Variants in TERC observed in about 807,000 individuals in gnomAD.
TERC encodes the protein telomerase RNA component, also known as small Cajal body-specific RNA 19.
In TERC at chr3:169,764,646, G is replaced by A. The variant is rs762726864; in HGVS notation, n.415C>T. ...CCGAGTCCTGGGTGCACGTCCCACA[G>A]CTCAGGGAATCGCGCCGCGCGCGGG... is the stretch of plus-strand genomic sequence containing the variant. On this transcript the variant is annotated non_coding_transcript_exon_variant, in exon 1 of 1. Transcript: ENST00000602385. The surrounding 1 kb of genome is among the most constrained non-coding windows in gnomAD (Gnocchi z 4.3). The A allele has an allele frequency of 6.7e-6, 5 of 744,304 alleles. No homozygotes were observed. Among genetic ancestry groups the A allele is most frequent in the Non-Finnish European group, 9.9e-6 (4 of 405,826 alleles). The allele number at this position is 744,304 out of a possible 1,614,324, so 46.1% of individuals were successfully genotyped here.
rs773966596 is a variant in TERC at position 169,764,900 on chromosome 3, A to G, written n.161T>C. The G allele has an allele frequency of 1.3e-6, 1 of 764,970 alleles. No individual in the cohort carries two copies. The highest frequency in any genetic ancestry group is 2.4e-6 in the Non-Finnish European group (1 of 417,746). The allele number at this position is 764,970 out of a possible 1,614,324, so 47.4% of individuals were successfully genotyped here. A position where few individuals can be genotyped will look rare whatever the true frequency, so the allele number is the denominator to read the frequency against. On this transcript the variant is annotated non_coding_transcript_exon_variant, in exon 1 of 1. Transcript: ENST00000602385. This position sits in a 1 kb window ranked among gnomAD's most constrained non-coding sequence, Gnocchi z 4.3. ...GCAGCTGACATTTTTTGTTTGCTCT[A>G]GAATGAACGGTGGAAGGCGGCAGGC... is the stretch of plus-strand genomic sequence containing the variant.
In TERC at chr3:169,764,986, G is replaced by C. The variant is rs771988301; in HGVS notation, n.75C>G. The C allele has an allele frequency of 1.3e-6, 1 of 765,494 alleles. No individual in the cohort carries two copies. Among genetic ancestry groups the C allele is most frequent in the Non-Finnish European group, 2.4e-6 (1 of 418,020 alleles). The allele number at this position is 765,494 out of a possible 1,614,324, so 47.4% of individuals were successfully genotyped here. On this transcript the variant is annotated non_coding_transcript_exon_variant, in exon 1 of 1. Coordinates refer to ENST00000602385, the Ensembl canonical transcript of TERC. This position sits in a 1 kb window ranked among gnomAD's most constrained non-coding sequence, Gnocchi z 4.3. ...AACAGCGCGCGGGGAGCAAAAGCAC[G>C]GCGCCTACGCCCTTCTCAGTTAGGG... is the stretch of plus-strand genomic sequence containing the variant.
rs1577384177 is a variant in TERC, at chr3:169,764,777, G to C, written n.284C>G. On this transcript the variant is annotated non_coding_transcript_exon_variant, in exon 1 of 1. Transcript: ENST00000602385. The surrounding 1 kb of genome is among the most constrained non-coding windows in gnomAD (Gnocchi z 4.3). ...CCAACTCTTCGCGGTGGCAGTGGGT[G>C]CCTCCGGAGAAGCCCCGGGCCGACC... 2.7e-6 allele frequency: 2 copies of C among 741,918 alleles called. No homozygotes were observed. The highest frequency in any genetic ancestry group is 3.4e-5 in the African/African-American group (2 of 58,664). The allele number at this position is 741,918 out of a possible 1,614,324, so 46.0% of individuals were successfully genotyped here.
chr3:169,764,948 A>G lies in TERC; in HGVS notation n.113T>C, dbSNP rs1777963323. ...GGCCGAGGCTTTTCCGCCCGCTGAA[A>G]GTCAGCGAGAAAAACAGCGCGCGGG... is the stretch of plus-strand genomic sequence containing the variant. On this transcript the variant is annotated non_coding_transcript_exon_variant, in exon 1 of 1. Coordinates refer to ENST00000602385, the Ensembl canonical transcript of TERC. This position sits in a 1 kb window ranked among gnomAD's most constrained non-coding sequence, Gnocchi z 4.3. 1.3e-6 allele frequency: 1 copy of G among 765,340 alleles called. No homozygotes were observed. Among genetic ancestry groups the G allele is most frequent in the African/African-American group, 1.7e-5 (1 of 59,170 alleles). The allele number at this position is 765,340 out of a possible 1,614,324, so 47.4% of individuals were successfully genotyped here. A position where few individuals can be genotyped will look rare whatever the true frequency, so the allele number is the denominator to read the frequency against.
In TERC at chr3:169,764,815, CG is replaced by C. The variant is rs1171775942; in HGVS notation, n.245del. The C allele has an allele frequency of 6.9e-6, 5 of 725,876 alleles. No homozygotes were observed. Among genetic ancestry groups the C allele is most frequent in the Non-Finnish European group, 1.3e-5 (5 of 397,204 alleles). The allele number at this position is 725,876 out of a possible 1,614,324, so 45.0% of individuals were successfully genotyped here. ...CCCCGGGCCGACCGCGGCCTCCAGG[CG>C]GGGTTCGGGGGCTGGGCAGGCGACC... On this transcript the variant is annotated non_coding_transcript_exon_variant, in exon 1 of 1. Transcript: ENST00000602385. The surrounding 1 kb of genome is among the most constrained non-coding windows in gnomAD (Gnocchi z 4.3).
chr3:169,764,987 G>A lies in TERC; in HGVS notation n.74C>T, dbSNP rs1324875775. The A allele has an allele frequency of 1.3e-6, 1 of 765,504 alleles. No homozygotes were observed. Among genetic ancestry groups the A allele is most frequent in the East Asian group, 2.4e-5 (1 of 41,248 alleles). 47.4% of individuals were successfully genotyped at this position (765,504 alleles called of 1,614,324 possible). ...ACAGCGCGCGGGGAGCAAAAGCACG[G>A]CGCCTACGCCCTTCTCAGTTAGGGT... On this transcript the variant is annotated non_coding_transcript_exon_variant, in exon 1 of 1. Coordinates refer to ENST00000602385, the Ensembl canonical transcript of TERC. This position sits in a 1 kb window ranked among gnomAD's most constrained non-coding sequence, Gnocchi z 4.3.
At position 169,764,690 on chromosome 3, in the gene TERC, T is replaced by C. The variant is rs755659962; in HGVS notation, n.371A>G. Reference sequence around the variant, plus strand: ...GCGCGGGGACTCGCTCCGTTCCTCTTCCTGCGGCCTGAAAGGCCTGAACCT... The same window carrying C: ...GCGCGGGGACTCGCTCCGTTCCTCTCCCTGCGGCCTGAAAGGCCTGAACCT... On this transcript the variant is annotated non_coding_transcript_exon_variant, in exon 1 of 1. Coordinates refer to ENST00000602385, the Ensembl canonical transcript of TERC. The surrounding 1 kb of genome is among the most constrained non-coding windows in gnomAD (Gnocchi z 4.3). 1.3e-6 allele frequency: 1 copy of C among 761,950 alleles called. No individual in the cohort carries two copies. The highest frequency in any genetic ancestry group is 1.3e-5 in the South Asian group (1 of 74,282). 47.2% of individuals were successfully genotyped at this position (761,950 alleles called of 1,614,324 possible).
chr3:169,764,636 A>G lies in TERC; in HGVS notation n.425T>C, dbSNP rs1211810695. On this transcript the variant is annotated non_coding_transcript_exon_variant, in exon 1 of 1. Coordinates refer to ENST00000602385, the Ensembl canonical transcript of TERC. This position sits in a 1 kb window ranked among gnomAD's most constrained non-coding sequence, Gnocchi z 4.3. ...CATGTGTGAGCCGAGTCCTGGGTGC[A>G]CGTCCCACAGCTCAGGGAATCGCGC... 1 of 722,552 alleles carries G rather than the reference A, an allele frequency of 1.4e-6. No individual in the cohort carries two copies. Among genetic ancestry groups the G allele is most frequent in the East Asian group, 2.5e-5 (1 of 40,562 alleles). The allele number at this position is 722,552 out of a possible 1,614,324, so 44.8% of individuals were successfully genotyped here.
Position 169,764,694 on chromosome 3 carries a change from GC to G in TERC, n.366del. On this transcript the variant is annotated non_coding_transcript_exon_variant, in exon 1 of 1. Transcript: ENST00000602385. The surrounding 1 kb of genome is among the most constrained non-coding windows in gnomAD (Gnocchi z 4.3). ...GGGGACTCGCTCCGTTCCTCTTCCTGCGGCCTGAAAGGCCTGAACCTCGCCC... is the reference window on the plus strand; with the variant it reads ...GGGGACTCGCTCCGTTCCTCTTCCTGGGCCTGAAAGGCCTGAACCTCGCCC... 1 of 761,756 alleles carries G rather than the reference GC, an allele frequency of 1.3e-6. No homozygotes were observed. Among genetic ancestry groups the G allele is most frequent in the Middle Eastern group, 2.5e-4 (1 of 4,054 alleles). 47.2% of individuals were successfully genotyped at this position (761,756 alleles called of 1,614,324 possible).
rs569827301 is a variant in TERC, at chr3:169,764,704, A to G, written n.357T>C. 5.3e-6 allele frequency: 4 copies of G among 761,230 alleles called. No homozygotes were observed. In the East Asian group the frequency reaches 9.7e-5, roughly 19 times the overall value. 47.2% of individuals were successfully genotyped at this position (761,230 alleles called of 1,614,324 possible). A position where few individuals can be genotyped will look rare whatever the true frequency, so the allele number is the denominator to read the frequency against. On this transcript the variant is annotated non_coding_transcript_exon_variant, in exon 1 of 1. Coordinates refer to ENST00000602385, the Ensembl canonical transcript of TERC. The surrounding 1 kb of genome is among the most constrained non-coding windows in gnomAD (Gnocchi z 4.3). ...TCCGTTCCTCTTCCTGCGGCCTGAA[A>G]GGCCTGAACCTCGCCCTCGCCCCCG...
chr3:169,764,637 C>A lies in TERC; in HGVS notation n.424G>T, dbSNP rs1337708802. The A allele has an allele frequency of 2.8e-6, 2 of 723,038 alleles. No individual in the cohort carries two copies. Among genetic ancestry groups the A allele is most frequent in the South Asian group, 1.4e-5 (1 of 70,734 alleles). 44.8% of individuals were successfully genotyped at this position (723,038 alleles called of 1,614,324 possible). ...ATGTGTGAGCCGAGTCCTGGGTGCA[C>A]GTCCCACAGCTCAGGGAATCGCGCC... On this transcript the variant is annotated non_coding_transcript_exon_variant, in exon 1 of 1. Transcript: ENST00000602385. The surrounding 1 kb of genome is among the most constrained non-coding windows in gnomAD (Gnocchi z 4.3).
In TERC at chr3:169,765,025, G is replaced by A. The variant is rs1248582778; in HGVS notation, n.36C>T. 1 of 765,148 alleles carries A rather than the reference G, an allele frequency of 1.3e-6. No individual in the cohort carries two copies. The highest frequency in any genetic ancestry group is 2.4e-6 in the Non-Finnish European group (1 of 417,880). 47.4% of individuals were successfully genotyped at this position (765,148 alleles called of 1,614,324 possible). On this transcript the variant is annotated non_coding_transcript_exon_variant, in exon 1 of 1. Coordinates refer to ENST00000602385, the Ensembl canonical transcript of TERC. ...TCTCAGTTAGGGTTAGACAAAAAAT[G>A]GCCACCACCCCTCCCAGGCCCACCC... is the stretch of plus-strand genomic sequence containing the variant.
chr3:169,765,052 C>G (rs1421363207), exon 1 of TERC: 1 of 764,594 alleles, frequency 1.3e-6, no homozygotes, highest in African/African-American at 1.7e-5. Flanking sequence ...GGCCCACCCT[C>G]CGCAACCCGG....
rs2108182785 is a variant in TERC at position 169,764,657 on chromosome 3, C to A, written n.404G>T. The A allele has an allele frequency of 1.3e-6, 1 of 748,962 alleles. No homozygotes were observed. Among genetic ancestry groups the A allele is most frequent in the Non-Finnish European group, 2.4e-6 (1 of 408,364 alleles). 46.4% of individuals were successfully genotyped at this position (748,962 alleles called of 1,614,324 possible). ...GTGCACGTCCCACAGCTCAGGGAAT[C>A]GCGCCGCGCGCGGGGACTCGCTCCG... On this transcript the variant is annotated non_coding_transcript_exon_variant, in exon 1 of 1. Coordinates refer to ENST00000602385, the Ensembl canonical transcript of TERC. This position sits in a 1 kb window ranked among gnomAD's most constrained non-coding sequence, Gnocchi z 4.3.
At position 169,764,695 on chromosome 3, in the gene TERC, C is replaced by A. The variant is rs1560578577; in HGVS notation, n.366G>T. On this transcript the variant is annotated non_coding_transcript_exon_variant, in exon 1 of 1. Transcript: ENST00000602385. The surrounding 1 kb of genome is among the most constrained non-coding windows in gnomAD (Gnocchi z 4.3). ...GGGACTCGCTCCGTTCCTCTTCCTG[C>A]GGCCTGAAAGGCCTGAACCTCGCCC... The A allele has an allele frequency of 1.3e-6, 1 of 761,456 alleles. No homozygotes were observed. 47.2% of individuals were successfully genotyped at this position (761,456 alleles called of 1,614,324 possible). A position where few individuals can be genotyped will look rare whatever the true frequency, so the allele number is the denominator to read the frequency against.
Position 169,764,784 on chromosome 3 carries a change from G to A in TERC, n.277C>T. Reference sequence around the variant, plus strand: ...TTCGCGGTGGCAGTGGGTGCCTCCGGAGAAGCCCCGGGCCGACCGCGGCCT... The same window carrying A: ...TTCGCGGTGGCAGTGGGTGCCTCCGAAGAAGCCCCGGGCCGACCGCGGCCT... On this transcript the variant is annotated non_coding_transcript_exon_variant, in exon 1 of 1. Transcript: ENST00000602385. The surrounding 1 kb of genome is among the most constrained non-coding windows in gnomAD (Gnocchi z 4.3). The A allele has an allele frequency of 1.4e-6, 1 of 739,508 alleles. No individual in the cohort carries two copies. Among genetic ancestry groups the A allele is most frequent in the Non-Finnish European group, 2.5e-6 (1 of 404,796 alleles). The allele number at this position is 739,508 out of a possible 1,614,324, so 45.8% of individuals were successfully genotyped here. A position where few individuals can be genotyped will look rare whatever the true frequency, so the allele number is the denominator to read the frequency against.
At position 169,764,910 on chromosome 3, in the gene TERC, G is replaced by A. The variant is rs768990533; in HGVS notation, n.151C>T. The A allele has an allele frequency of 2.6e-6, 2 of 765,072 alleles. No homozygotes were observed. Among genetic ancestry groups the A allele is most frequent in the Non-Finnish European group, 4.8e-6 (2 of 417,858 alleles). The allele number at this position is 765,072 out of a possible 1,614,324, so 47.4% of individuals were successfully genotyped here. The stretch of plus-strand genomic sequence containing the variant: ...TTTTTTGTTTGCTCTAGAATGAACG[G>A]TGGAAGGCGGCAGGCCGAGGCTTTT... On this transcript the variant is annotated non_coding_transcript_exon_variant, in exon 1 of 1. Coordinates refer to ENST00000602385, the Ensembl canonical transcript of TERC. This position sits in a 1 kb window ranked among gnomAD's most constrained non-coding sequence, Gnocchi z 4.3.
In TERC at chr3:169,764,660, G is replaced by A. The variant is rs759566601; in HGVS notation, n.401C>T. 1.3e-6 allele frequency: 1 copy of A among 750,426 alleles called. No individual in the cohort carries two copies. The highest frequency in any genetic ancestry group is 1.4e-5 in the South Asian group (1 of 73,616). The allele number at this position is 750,426 out of a possible 1,614,324, so 46.5% of individuals were successfully genotyped here. On this transcript the variant is annotated non_coding_transcript_exon_variant, in exon 1 of 1. Coordinates refer to ENST00000602385, the Ensembl canonical transcript of TERC. This position sits in a 1 kb window ranked among gnomAD's most constrained non-coding sequence, Gnocchi z 4.3. ...CACGTCCCACAGCTCAGGGAATCGCGCCGCGCGCGGGGACTCGCTCCGTTC... is the reference window on the plus strand; with the variant it reads ...CACGTCCCACAGCTCAGGGAATCGCACCGCGCGCGGGGACTCGCTCCGTTC...
Position 169,764,942 on chromosome 3 carries a change from G to C in TERC, n.119C>G. Reference sequence around the variant, plus strand: ...GCGGCAGGCCGAGGCTTTTCCGCCCGCTGAAAGTCAGCGAGAAAAACAGCG... The same window carrying C: ...GCGGCAGGCCGAGGCTTTTCCGCCCCCTGAAAGTCAGCGAGAAAAACAGCG... On this transcript the variant is annotated non_coding_transcript_exon_variant, in exon 1 of 1. Coordinates refer to ENST00000602385, the Ensembl canonical transcript of TERC. This position sits in a 1 kb window ranked among gnomAD's most constrained non-coding sequence, Gnocchi z 4.3. The C allele has an allele frequency of 1.3e-6, 1 of 765,414 alleles. No individual in the cohort carries two copies. Among genetic ancestry groups the C allele is most frequent in the Non-Finnish European group, 2.4e-6 (1 of 417,978 alleles). The allele number at this position is 765,414 out of a possible 1,614,324, so 47.4% of individuals were successfully genotyped here. A position where few individuals can be genotyped will look rare whatever the true frequency, so the allele number is the denominator to read the frequency against.
Sources: gnomAD v4.1 joint callset for allele counts on GRCh38, gnomAD v4.1.1 for gene constraint, Gnocchi (gnomAD v3.1) non-coding constraint, MANE v1.5 for transcripts, NCBI Gene and HGNC (gene_info 2026-07-23, HGNC 2026-07-21) for gene names.